Variants in ZBTB43 observed in about 807,000 individuals in gnomAD.
ZBTB43 encodes zinc finger and BTB domain containing 43.
In ZBTB43, 6 loss-of-function variants were observed where a neutral mutation model predicts 31.1. The observed-to-expected ratio is 0.19, with a 90% CI of 0.11 to 0.38. The LOEUF (loss-of-function observed/expected upper bound fraction) is 0.38, where lower values mean the gene tolerates loss of function less well. ZBTB43 is among the 10% of genes least tolerant of loss of function. The pLI, the probability that ZBTB43 is intolerant of heterozygous loss-of-function variation, is 1.00. For missense variants in ZBTB43, 379 were observed against 602.1 expected (o/e 0.63, Z 3.88); for synonymous variants, 212 against 221.7 (o/e 0.96, Z 0.39).
At chr9:126,832,217 A>G (rs1212037385) in intron 2 of ZBTB43, 14 of 370,360 alleles carry the variant, frequency 3.8e-5, no homozygotes, top group East Asian at 9.2e-5. Context: ...GGAGATTTGT[A>G]TAGCTTACAA....
rs1722589787 is a variant in ZBTB43 at position 126,837,601 on chromosome 9, C to T, written c.*3688C>T. On this transcript the variant is annotated 3_prime_UTR_variant, in exon 3 of 3. Coordinates refer to ENST00000373464, the MANE Select transcript of ZBTB43 (RefSeq NM_014007.4). ...GTCCAGGTTTTTGCTTTTGGAAGGT[C>T]TCTGATAATTTAGGGGTGCTGGAAA... The T allele has an allele frequency of 6.0e-6, 1 of 167,064 alleles. No individual in the cohort carries two copies. Among genetic ancestry groups the T allele is most frequent in the Admixed American group, 6.5e-5 (1 of 15,280 alleles). 10.3% of individuals were successfully genotyped at this position (167,064 alleles called of 1,614,324 possible).
rs2032811734 is a variant in ZBTB43 at position 126,833,374 on chromosome 9, G to A, written c.865G>A (p.Glu289Lys). 1.2e-6 allele frequency: 2 copies of A among 1,613,494 alleles called. No homozygotes were observed. The highest frequency in any genetic ancestry group is 8.5e-7 in the Non-Finnish European group (1 of 1,179,774). ...CACGGTGCAGCCTTCGGGAGTGGAG[G>A]AGGACTTCCACATCGGGGAGAAGAA... ...EHTVQPSGVE[E>K]DFHIGEKKVE... Residue 289 changes from glutamate to lysine, a missense_variant, in exon 3 of 3, where the codon GAG becomes AAG. Physicochemically the swap from Glu to Lys is moderately conservative, Grantham distance 56. Coordinates refer to ENST00000373464, the MANE Select transcript of ZBTB43 (RefSeq NM_014007.4). This position sits in a 1 kb window ranked among gnomAD's most constrained non-coding sequence, Gnocchi z 7.9.
upstream of ZBTB43, among the ~76,000 whole-genome samples, chr9:126,804,758 T>G (rs2032083008): frequency 6.6e-6 from 1 of 152,260 alleles, no homozygotes; most frequent in Non-Finnish European, 1.5e-5. Flanking sequence ...GTGCAGGGAT[T>G]ACAGACGTGG....
intron 2 of ZBTB43, among the ~76,000 whole-genome samples, chr9:126,827,703 G>A (rs526641): frequency 0.6 from 91,851 of 152,040 alleles, 31,628 homozygotes; most frequent in Middle Eastern, 0.78. Context: ...ATGTATTCTC[G>A]TCATTTAGAA....
At chr9:126,825,566 T>C (rs535560158) in intron 2 of ZBTB43, among the ~76,000 whole-genome samples, 2 of 152,098 alleles carry the variant, frequency 1.3e-5, no homozygotes, top group African/African-American at 4.8e-5. Flanking sequence ...CCATACAGAG[T>C]CTTTTCTTCG....
intron 2 of ZBTB43, among the ~76,000 whole-genome samples, chr9:126,826,508 G>A (rs2032643705): frequency 9.3e-6 from 1 of 107,376 alleles, no homozygotes; most frequent in Non-Finnish European, 1.8e-5. Flanking sequence ...TTGTTTCCCA[G>A]GCTGGAGTGC....
upstream of ZBTB43, chr9:126,804,863 A>C (rs1271567085): frequency 6.6e-6 from 1 of 152,316 alleles, no homozygotes; most frequent in Non-Finnish European, 1.5e-5. Context: ...CCTAAAATTG[A>C]CCCGCTCCAG....
At chr9:126,805,994 A>G (rs900164639) in intron 1 of ZBTB43, among the ~76,000 whole-genome samples, 3 of 152,196 alleles carry the variant, frequency 2.0e-5, no homozygotes, top group African/African-American at 4.8e-5. Flanking sequence ...GTCGCCCAAC[A>G]TAAGTGTCAG....
rs35094731 is a variant in ZBTB43, at chr9:126,826,454, C to CTTTTTTTTTTTTTTT, written c.-23-6020_-23-6006dup. Among the ~76,000 whole-genome samples, 6 of 53,598 alleles carry CTTTTTTTTTTTTTTT rather than the reference C, an allele frequency of 1.1e-4. 2 individuals are homozygous for CTTTTTTTTTTTTTTT. The South Asian group carries it at 4.9e-3, about 44-fold the overall frequency. The allele number at this position is 53,598 out of a possible 152,430, so 35.2% of individuals were successfully genotyped here. Reference sequence around the variant, plus strand: ...GCGCCACCACTCCTGGCCCCCCCGCCTTTTTTTTTTTTTTTTTTTTTTTTT... The same window carrying CTTTTTTTTTTTTTTT: ...GCGCCACCACTCCTGGCCCCCCCGCCTTTTTTTTTTTTTTTTTTTTTTTTTTTTTTTTTTTTTTTT... On this transcript the variant is annotated intron_variant, in intron 2 of 2. Transcript: ENST00000373464.
At chr9:126,807,056 TTTTTG>T (rs2032141814) in intron 1 of ZBTB43, among the ~76,000 whole-genome samples, 2 of 152,224 alleles carry the variant, frequency 1.3e-5, no homozygotes, top group Admixed American at 1.3e-4. Flanking sequence ...CTTTGTGGTT[TTTTTG>T]TTTTTTAAAA....
At chr9:126,816,861 CGGAG>C (rs2032396929) in intron 2 of ZBTB43, among the ~76,000 whole-genome samples, 1 of 152,152 alleles carries the variant, frequency 6.6e-6, no homozygotes, top group African/African-American at 2.4e-5. Flanking sequence ...CCTGGGGCTA[CGGAG>C]TCCCACCCCC....
chr9:126,831,958 C>CA (rs34040959), intron 2 of ZBTB43: 2,626 of 111,748 alleles, frequency 0.023, 36 homozygotes, highest in African/African-American at 0.042. Context: ...AACTCTATCT[C>CA]AAAAAAAAAA....
intron 2 of ZBTB43, among the ~76,000 whole-genome samples, chr9:126,816,630 C>T (rs1338448792): frequency 1.3e-5 from 2 of 152,126 alleles, no homozygotes; most frequent in Non-Finnish European, 2.9e-5. Flanking sequence ...GTTGTATACC[C>T]GAATATTGTT....
At position 126,835,727 on chromosome 9, in the gene ZBTB43, T is replaced by C. The variant is rs1284457251; in HGVS notation, c.*1814T>C. On this transcript the variant is annotated 3_prime_UTR_variant, in exon 3 of 3. Coordinates refer to ENST00000373464, the MANE Select transcript of ZBTB43 (RefSeq NM_014007.4). Reference sequence around the variant, plus strand: ...AAACTTTATTATAAATATATATATATATTGTTTTTTTTTAAACCTAGAAAC... The same window carrying C: ...AAACTTTATTATAAATATATATATACATTGTTTTTTTTTAAACCTAGAAAC... The C allele has an allele frequency of 2.4e-5, 4 of 166,298 alleles. No individual in the cohort carries two copies. The Admixed American group carries it at 2.6e-4, about 11-fold the overall frequency. 10.3% of individuals were successfully genotyped at this position (166,298 alleles called of 1,614,324 possible). A position where few individuals can be genotyped will look rare whatever the true frequency, so the allele number is the denominator to read the frequency against.
chr9:126,823,999 A>G (rs1229469715), intron 2 of ZBTB43, among the ~76,000 whole-genome samples: 1 of 152,226 alleles, frequency 6.6e-6, no homozygotes, highest in East Asian at 1.9e-4. Context: ...ATATAGAAAC[A>G]AAAGAATTAA....
At chr9:126,818,635 T>A (rs927277044) in intron 2 of ZBTB43, among the ~76,000 whole-genome samples, 8 of 152,186 alleles carry the variant, frequency 5.3e-5, no homozygotes, top group African/African-American at 1.9e-4. Context: ...TGTGTTTTTT[T>A]CCCCTTCATT....
upstream of ZBTB43, among the ~76,000 whole-genome samples, chr9:126,804,343 T>C (rs955248205): frequency 6.6e-6 from 1 of 152,152 alleles, no homozygotes; most frequent in Non-Finnish European, 1.5e-5. Flanking sequence ...ACTGAGCATC[T>C]ACTACATGCC....
intron 2 of ZBTB43, among the ~76,000 whole-genome samples, chr9:126,821,991 C>T (rs1012826575): frequency 2.6e-5 from 4 of 151,740 alleles, no homozygotes; most frequent in African/African-American, 7.3e-5. Context: ...GCCTCCCAAG[C>T]GATTACAGTC....
chr9:126,837,506 G>GT lies in ZBTB43; in HGVS notation c.*3594dup, dbSNP rs756299193. ...GAGACGGAGCAGAAGCTGCAAAGCT[G>GT]TGCTTTCCCTGGGGAAGGGGATGTG... is the stretch of plus-strand genomic sequence containing the variant. On this transcript the variant is annotated 3_prime_UTR_variant, in exon 3 of 3. Transcript: ENST00000373464. The GT allele has an allele frequency of 6.0e-6, 1 of 167,156 alleles. No individual in the cohort carries two copies. Among genetic ancestry groups the GT allele is most frequent in the Non-Finnish European group, 1.5e-5 (1 of 68,162 alleles). The allele number at this position is 167,156 out of a possible 1,614,324, so 10.4% of individuals were successfully genotyped here. A position where few individuals can be genotyped will look rare whatever the true frequency, so the allele number is the denominator to read the frequency against.
Sources: gnomAD v4.1 joint callset for allele counts (sites outside exome capture counted in the v4.1 genomes callset) on GRCh38, gnomAD v4.1.1 for gene constraint, Gnocchi (gnomAD v3.1) non-coding constraint, MANE v1.5 for transcripts, NCBI Gene and HGNC (gene_info 2026-07-23, HGNC 2026-07-21) for gene names.